Variants in ZNF536 observed in about 807,000 individuals in gnomAD.
ZNF536 encodes the protein zinc finger protein 536.
ZNF536 carries 13 observed loss-of-function variants against 84.5 expected under a neutral mutation model. The observed-to-expected ratio is 0.15, with a 90% CI of 0.10 to 0.24. The LOEUF (loss-of-function observed/expected upper bound fraction) is 0.24. Ranked by LOEUF, ZNF536 falls within the 10% of genes least tolerant of loss-of-function variation. The pLI is 1.00. For missense variants in ZNF536, 1,536 were observed against 1,747.5 expected, an observed-to-expected ratio of 0.88 and a Z score of 2.16; for synonymous variants, 811 against 742.5, an observed-to-expected ratio of 1.09 and a Z score of -1.50.
In ZNF536 at chr19:30,251,320, G is replaced by A. The variant is rs117695728; in HGVS notation, c.-190+22647G>A. Among the ~76,000 whole-genome samples, 849 of 152,310 alleles carry A rather than the reference G, an allele frequency of 5.6e-3. 5 individuals are homozygous for A. The highest frequency in any genetic ancestry group is 0.01 in the Middle Eastern group (3 of 294). ...ATGATGAAATGATGGTTCACAGGTGGAACCTGAGATGCACTCTCAATTCCC... is the reference window on the plus strand; with the variant it reads ...ATGATGAAATGATGGTTCACAGGTGAAACCTGAGATGCACTCTCAATTCCC... On this transcript the variant is annotated intron_variant, in intron 1 of 5. Transcript: ENST00000585628.
intron 2 of ZNF536, among the ~76,000 whole-genome samples, chr19:30,322,760 C>T (rs1287284583): frequency 6.6e-6 from 1 of 151,490 alleles, no homozygotes; most frequent in Non-Finnish European, 1.5e-5. Context: ...CCATTCACAG[C>T]CCTCCTGCCC....
chr19:30,706,960 T>A (rs186832925), intron 1 of ZNF536, among the ~76,000 whole-genome samples: 168 of 152,324 alleles, frequency 1.1e-3, no homozygotes, highest in Admixed American at 0.011. Flanking sequence ...CTTTATGTTG[T>A]TTGGGATGAC....
chr19:30,442,308 G>A (rs2052089872), intron 1 of ZNF536, among the ~76,000 whole-genome samples: 1 of 152,214 alleles, frequency 6.6e-6, no homozygotes, highest in Non-Finnish European at 1.5e-5. Flanking sequence ...GCTGAAGAGG[G>A]GGCAGAGAGG....
At chr19:30,701,612 C>T (rs2148003607) in intron 1 of ZNF536, among the ~76,000 whole-genome samples, 1 of 152,350 alleles carries the variant, frequency 6.6e-6, no homozygotes, top group East Asian at 1.9e-4. Flanking sequence ...TGGACCACCT[C>T]TTGGAGCATC....
At chr19:30,652,902 A>G (rs980459210) in intron 1 of ZNF536, among the ~76,000 whole-genome samples, 25 of 151,688 alleles carry the variant, frequency 1.6e-4, no homozygotes, top group African/African-American at 4.1e-4. Context: ...CCCACTTCTT[A>G]CTCCCCGTGT....
intron 1 of ZNF536, among the ~76,000 whole-genome samples, chr19:30,662,555 T>G (rs1428759444): frequency 6.6e-6 from 1 of 151,878 alleles, no homozygotes; most frequent in Admixed American, 6.5e-5. Flanking sequence ...GATAGTTTTT[T>G]GTTTTTTGAT....
chr19:30,559,259 T>C (rs2046072315), downstream of ZNF536, among the ~76,000 whole-genome samples: 2 of 152,114 alleles, frequency 1.3e-5, no homozygotes, highest in African/African-American at 4.8e-5. Context: ...ATACCATGGG[T>C]TCCTTTGGAA....
chr19:30,706,839 G>A (rs1007254942), intron 1 of ZNF536, among the ~76,000 whole-genome samples: 7 of 152,206 alleles, frequency 4.6e-5, no homozygotes, highest in Admixed American at 1.3e-4. Context: ...CTTTGTCCAT[G>A]AACTGCTACA....
At chr19:30,461,206 G>A (rs1383426148) in intron 2 of ZNF536, among the ~76,000 whole-genome samples, 1 of 152,212 alleles carries the variant, frequency 6.6e-6, no homozygotes, top group African/African-American at 2.4e-5. Flanking sequence ...CTGAGGCATG[G>A]AGAGGTTGGA....
In ZNF536 at chr19:30,477,170, C is replaced by T. The variant is rs143540397; in HGVS notation, c.2170+31438C>T. 5.5e-4 allele frequency among the ~76,000 whole-genome samples: 83 copies of T among 152,240 alleles called. No homozygotes were observed. In the East Asian group the frequency reaches 0.014, roughly 27 times the overall value. On this transcript the variant is annotated intron_variant, in intron 2 of 4. Transcript: ENST00000355537. ...TGTCAAAGCTCATCTTGGTTGTGCC[C>T]TTATTCTGTCTGTCCCGAATCATGA...
At chr19:30,516,231 A>G (rs1434026369) in intron 2 of ZNF536, among the ~76,000 whole-genome samples, 1 of 152,114 alleles carries the variant, frequency 6.6e-6, no homozygotes, top group Non-Finnish European at 1.5e-5. Context: ...CCTCACCACA[A>G]GATGCAAACA....
At chr19:30,465,212 G>C (rs1346957802) in intron 2 of ZNF536, among the ~76,000 whole-genome samples, 2 of 152,078 alleles carry the variant, frequency 1.3e-5, no homozygotes, top group Non-Finnish European at 2.9e-5. Flanking sequence ...CCCTGTAGTG[G>C]CCTCAGCATT....
intron 2 of ZNF536, among the ~76,000 whole-genome samples, chr19:30,462,322 G>C (rs1568455850): frequency 6.6e-6 from 1 of 151,698 alleles, no homozygotes; most frequent in Non-Finnish European, 1.5e-5. Context: ...GTGTGTGTGT[G>C]TGTGTTGAAT....
At chr19:30,496,497 G>A (rs993073163) in intron 2 of ZNF536, among the ~76,000 whole-genome samples, 21 of 152,174 alleles carry the variant, frequency 1.4e-4, no homozygotes, top group Non-Finnish European at 2.8e-4. Context: ...CCAGAGCACT[G>A]AGCAGTGAGC....
At chr19:30,394,832 G>T (rs921168955) in intron 1 of ZNF536, among the ~76,000 whole-genome samples, 2 of 152,174 alleles carry the variant, frequency 1.3e-5, no homozygotes, top group African/African-American at 2.4e-5. Flanking sequence ...ACACCATGGA[G>T]GCCTTGATGA....
intron 1 of ZNF536, among the ~76,000 whole-genome samples, chr19:30,377,439 T>G (rs1202987690): frequency 1.3e-5 from 2 of 152,002 alleles, no homozygotes; most frequent in African/African-American, 4.8e-5. Flanking sequence ...CTGGATCTTG[T>G]GTAAGAAAGA....
chr19:30,280,895 G>A (rs1168077143), intron 1 of ZNF536, among the ~76,000 whole-genome samples: 2 of 152,200 alleles, frequency 1.3e-5, no homozygotes, highest in Non-Finnish European at 2.9e-5. Context: ...TTGGTGGACA[G>A]AGGGGCCCGT....
intron 1 of ZNF536, among the ~76,000 whole-genome samples, chr19:30,266,618 T>A (rs924951336): frequency 1.3e-5 from 2 of 152,156 alleles, no homozygotes; most frequent in African/African-American, 4.8e-5. Context: ...AAAAGAAAAT[T>A]TTTTTAAGGA....
intron 1 of ZNF536, among the ~76,000 whole-genome samples, chr19:30,410,375 A>C (rs2050428993): frequency 6.6e-6 from 1 of 152,032 alleles, no homozygotes. Flanking sequence ...ATATATAGGA[A>C]AACTCCATTT....
Sources: allele counts gnomAD v4.1 joint callset (sites outside exome capture counted in the v4.1 genomes callset), GRCh38; gene constraint gnomAD v4.1.1; transcripts MANE v1.5; gene names NCBI Gene and HGNC (gene_info 2026-07-23, HGNC 2026-07-21).